Variants in ADAMTSL1 observed in about 807,000 individuals in gnomAD.
ADAMTSL1 encodes ADAMTS like 1, also known as ADAMTS-like protein 1.
ADAMTSL1 carries 126 observed loss-of-function variants against 201.8 expected under a neutral mutation model. The ratio of observed to expected loss-of-function variants is 0.62; its 90% CI spans 0.54 to 0.72. ADAMTSL1 has a LOEUF of 0.72. ADAMTSL1 is among the 30% of genes least tolerant of loss of function. The pLI is 0.00. For synonymous variants in ADAMTSL1, 1,121 were observed against 903.4 expected (o/e 1.24, Z -4.32); for missense variants, 2,679 against 2,277.8 (o/e 1.18, Z -3.59).
rs142357050 is a variant in ADAMTSL1 at position 18,024,480 on chromosome 9, A to G, written c.87+117558A>G. Among the ~76,000 whole-genome samples the G allele has an allele frequency of 2.7e-4, 41 of 151,980 alleles. No homozygotes were observed. The East Asian group carries it at 7.2e-3, about 27-fold the overall frequency. The stretch of plus-strand genomic sequence containing the variant: ...CCATCTTTATGTCCCTGTGAATTCA[A>G]TGTTTAGTTCCTACTTGTAAGTGAG... On this transcript the variant is annotated intron_variant, in intron 1 of 29. Transcript: ENST00000680146.
chr9:18,763,086 GT>G (rs1820165612), intron 16 of ADAMTSL1, among the ~76,000 whole-genome samples: 1 of 152,204 alleles, frequency 6.6e-6, no homozygotes, highest in Admixed American at 6.5e-5. Flanking sequence ...ACTCCAAGCT[GT>G]TCTCCATAGT....
intron 4 of ADAMTSL1, among the ~76,000 whole-genome samples, chr9:18,588,701 T>A (rs1435717104): frequency 6.6e-6 from 1 of 151,722 alleles, no homozygotes; most frequent in Non-Finnish European, 1.5e-5. Flanking sequence ...CAGAACCACT[T>A]ATTGAAGAGA....
intron 1 of ADAMTSL1, among the ~76,000 whole-genome samples, chr9:17,915,242 A>G (rs185620393): frequency 4.1e-4 from 63 of 152,270 alleles, no homozygotes; most frequent in African/African-American, 1.5e-3. Context: ...ATTACCAATC[A>G]AATACTTTGT....
At chr9:18,313,618 A>T (rs1834238623) in intron 2 of ADAMTSL1, among the ~76,000 whole-genome samples, 1 of 152,158 alleles carries the variant, frequency 6.6e-6, no homozygotes, top group South Asian at 2.1e-4. Context: ...CTACATGCAA[A>T]AGAATAAAAT....
At chr9:18,687,636 A>G (rs1450545026) in intron 13 of ADAMTSL1, among the ~76,000 whole-genome samples, 1 of 152,192 alleles carries the variant, frequency 6.6e-6, no homozygotes, top group Admixed American at 6.5e-5. Flanking sequence ...CAGAAAAATC[A>G]CCAGATGAAT....
intron 2 of ADAMTSL1, among the ~76,000 whole-genome samples, chr9:18,386,007 G>A (rs1015184627): frequency 1.3e-5 from 2 of 152,104 alleles, no homozygotes; most frequent in African/African-American, 2.4e-5. Context: ...AAATGCCAGC[G>A]AAGTCAAAGA....
intron 2 of ADAMTSL1, among the ~76,000 whole-genome samples, chr9:18,396,650 G>C (rs999361741): frequency 1.3e-5 from 2 of 150,958 alleles, no homozygotes; most frequent in Non-Finnish European, 3.0e-5. Context: ...TGCAAATAGA[G>C]TACCAGCCTT....
chr9:18,120,045 C>CA, intron 1 of ADAMTSL1, among the ~76,000 whole-genome samples: 1 of 152,252 alleles, frequency 6.6e-6, no homozygotes, highest in South Asian at 2.1e-4. Context: ...TTTGTGAATT[C>CA]ATGATTTGTG....
intron 2 of ADAMTSL1, among the ~76,000 whole-genome samples, chr9:18,259,300 G>A (rs1435768520): frequency 6.6e-6 from 1 of 151,960 alleles, no homozygotes; most frequent in African/African-American, 2.4e-5. Flanking sequence ...TGAGGTGAGC[G>A]GACCACTTGA....
At chr9:18,188,644 G>C (rs938840147) in intron 2 of ADAMTSL1, among the ~76,000 whole-genome samples, 2 of 152,116 alleles carry the variant, frequency 1.3e-5, no homozygotes, top group Admixed American at 6.6e-5. Flanking sequence ...TATTGACAAA[G>C]CTACTTGAAT....
chr9:18,871,571 G>A (rs1228519751), intron 23 of ADAMTSL1, among the ~76,000 whole-genome samples: 1 of 152,108 alleles, frequency 6.6e-6, no homozygotes, highest in African/African-American at 2.4e-5. Flanking sequence ...TTATCATCCT[G>A]ATGGATTTTT....
chr9:17,963,688 T>G (rs1159364305), intron 1 of ADAMTSL1, among the ~76,000 whole-genome samples: 2 of 152,282 alleles, frequency 1.3e-5, no homozygotes, highest in East Asian at 1.9e-4. Flanking sequence ...CATCAAGTAG[T>G]GCAGATTGAG....
chr9:18,500,272 T>G (rs1451441093), intron 1 of ADAMTSL1, among the ~76,000 whole-genome samples: 4 of 152,254 alleles, frequency 2.6e-5, no homozygotes, highest in African/African-American at 7.2e-5. Flanking sequence ...CACGTTTAGA[T>G]AAGCCAGTAA....
At chr9:18,079,317 T>C (rs1224847037) in intron 1 of ADAMTSL1, among the ~76,000 whole-genome samples, 1 of 152,272 alleles carries the variant, frequency 6.6e-6, no homozygotes, top group African/African-American at 2.4e-5. Flanking sequence ...ATTTCACTGC[T>C]ATCGCATCTT....
intron 1 of ADAMTSL1, among the ~76,000 whole-genome samples, chr9:18,497,883 C>T (rs1195562538): frequency 6.6e-6 from 1 of 152,174 alleles, no homozygotes; most frequent in East Asian, 1.9e-4. Flanking sequence ...AATCAAGTTA[C>T]CATAGTTCTG....
At chr9:18,373,819 T>G (rs1048321585) in intron 2 of ADAMTSL1, among the ~76,000 whole-genome samples, 1 of 152,208 alleles carries the variant, frequency 6.6e-6, no homozygotes, top group African/African-American at 2.4e-5. Context: ...GCATTCTCCC[T>G]CTAGGATTTT....
intron 2 of ADAMTSL1, among the ~76,000 whole-genome samples, chr9:18,394,575 A>G (rs73643261): frequency 0.044 from 6,752 of 152,310 alleles, 163 homozygotes; most frequent in Middle Eastern, 0.092. Flanking sequence ...ACTTATCACA[A>G]AAAGCTCATT....
chr9:18,099,015 TATC>T (rs1406106369), intron 1 of ADAMTSL1, among the ~76,000 whole-genome samples: 1 of 152,100 alleles, frequency 6.6e-6, no homozygotes, highest in African/African-American at 2.4e-5. Flanking sequence ...GATTCAGTTT[TATC>T]ATTTACGGTG....
chr9:18,476,774 A>G (rs565183989), intron 1 of ADAMTSL1, among the ~76,000 whole-genome samples: 7 of 152,228 alleles, frequency 4.6e-5, no homozygotes, highest in East Asian at 1.9e-4. Context: ...ATTGGAAAAC[A>G]TCCTGTCTAT....
Sources: allele counts gnomAD v4.1 joint callset (sites outside exome capture counted in the v4.1 genomes callset), GRCh38; gene constraint gnomAD v4.1.1; transcripts MANE v1.5; gene names NCBI Gene and HGNC (gene_info 2026-07-23, HGNC 2026-07-21).